The following DACH2 variants were observed in gnomAD, a reference collection of about 807,000 sequenced individuals.
The protein encoded by DACH2 is dachshund homolog 2.
DACH2 carries 17 observed loss-of-function variants against 35.8 expected under a neutral mutation model. The observed-to-expected ratio is 0.48, with a 90% CI of 0.33 to 0.71. The LOEUF is 0.71. Ranked by LOEUF, DACH2 falls within the 30% of genes least tolerant of loss-of-function variation. The pLI, the probability that DACH2 is intolerant of heterozygous loss-of-function variation, is 0.02. For missense variants in DACH2, 469 were observed against 472.7 expected, an observed-to-expected ratio of 0.99 and a Z score of 0.07; for synonymous variants, 195 against 177.3, an observed-to-expected ratio of 1.10 and a Z score of -0.79.
At chrX:86,435,721 C>T (rs1283788429) in intron 2 of DACH2, among the ~76,000 whole-genome samples, 1 of 111,623 alleles carries the variant, frequency 9.0e-6, no homozygotes, top group African/African-American at 3.3e-5. Context: ...ACGTAAATGA[C>T]CCTGCATTTA....
intron 6 of DACH2, among the ~76,000 whole-genome samples, chrX:86,723,710 G>A (rs944884968): frequency 8.9e-6 from 1 of 111,823 alleles, no homozygotes; most frequent in Non-Finnish European, 1.9e-5. Context: ...CTGTGGCCAA[G>A]TATGTGGTCT....
At chrX:86,492,993 G>T (rs1439337626) in intron 2 of DACH2, among the ~76,000 whole-genome samples, 1 of 111,365 alleles carries the variant, frequency 9.0e-6, no homozygotes, top group African/African-American at 3.3e-5. Context: ...TGGGTCAAAT[G>T]GTAGTTCTGT....
chrX:86,541,919 G>A (rs1165855235), intron 3 of DACH2, among the ~76,000 whole-genome samples: 1 of 111,474 alleles, frequency 9.0e-6, no homozygotes, highest in Admixed American at 9.5e-5. Context: ...ACCCCTGAGT[G>A]GTTAAAAAAG....
At chrX:86,465,424 G>C (rs1199992694) in intron 2 of DACH2, among the ~76,000 whole-genome samples, 2 of 111,814 alleles carry the variant, frequency 1.8e-5, no homozygotes, top group Non-Finnish European at 3.8e-5. Context: ...CCTAAGTAGT[G>C]GAGCTCACAT....
At chrX:86,347,850 T>A (rs1275489314) in intron 1 of DACH2, among the ~76,000 whole-genome samples, 1 of 112,240 alleles carries the variant, frequency 8.9e-6, no homozygotes, top group Non-Finnish European at 1.9e-5. Context: ...TAGTATTTCA[T>A]GCTTTTTTCT....
intron 2 of DACH2, among the ~76,000 whole-genome samples, chrX:86,387,819 C>T (rs1367227303): frequency 1.8e-5 from 2 of 111,878 alleles, no homozygotes; most frequent in African/African-American, 6.5e-5. Context: ...CTATTTCTCA[C>T]CAAGTATCGT....
At chrX:86,734,664 T>C (rs892270297) in intron 6 of DACH2, among the ~76,000 whole-genome samples, 4 of 111,603 alleles carry the variant, frequency 3.6e-5, no homozygotes, top group African/African-American at 1.3e-4. Flanking sequence ...AATGCTTGAA[T>C]TGGTTCATAA....
chrX:86,782,000 G>A (rs1177766329), intron 7 of DACH2, among the ~76,000 whole-genome samples: 4 of 111,993 alleles, frequency 3.6e-5, no homozygotes, highest in Non-Finnish European at 7.5e-5. Context: ...AGTATACAAA[G>A]TAAACAAACA....
intron 6 of DACH2, among the ~76,000 whole-genome samples, chrX:86,719,405 C>T (rs954012338): frequency 8.9e-6 from 1 of 112,208 alleles, no homozygotes; most frequent in Non-Finnish European, 1.9e-5. Context: ...CATCAGTGAA[C>T]TGGGAAAATT....
intron 3 of DACH2, among the ~76,000 whole-genome samples, chrX:86,596,509 T>A (rs1188173984): frequency 2.7e-5 from 3 of 111,923 alleles, no homozygotes; most frequent in Admixed American, 1.9e-4. Context: ...CATTTGTACA[T>A]GTTCTTTGGA....
chrX:86,533,715 G>A (rs1447518599), intron 3 of DACH2, among the ~76,000 whole-genome samples: 2 of 111,963 alleles, frequency 1.8e-5, no homozygotes, highest in African/African-American at 6.5e-5. Context: ...TTTATTAGGA[G>A]TACCAAGTTC....
chrX:86,254,777 A>ATATATATAT (rs1556004208), intron 1 of DACH2, among the ~76,000 whole-genome samples: 3 of 14,224 alleles, frequency 2.1e-4, no homozygotes, highest in Non-Finnish European at 2.7e-4. Flanking sequence ...TATTCAAATA[A>ATATATATAT]ATAAATATAT....
rs1229406457 is a variant in DACH2 at position 86,275,942 on chromosome X, T to G, written c.489-100882T>G. On this transcript the variant is annotated intron_variant, in intron 1 of 11. Transcript: ENST00000373125. ...ATTATGTATATGTACCACATTTTCT[T>G]TATTCATTCATCTCTTGATAGACAC... Among the ~76,000 whole-genome samples the G allele has an allele frequency of 2.7e-5, 3 of 112,433 alleles. No homozygotes were observed. In the East Asian group the frequency reaches 8.4e-4, roughly 31 times the overall value.
chrX:86,412,937 A>T (rs1451648576), intron 2 of DACH2, among the ~76,000 whole-genome samples: 1 of 111,131 alleles, frequency 9.0e-6, no homozygotes, highest in East Asian at 2.9e-4. Flanking sequence ...AATATACCCA[A>T]ATGAGAAATG....
chrX:86,231,751 A>G (rs1407608812), intron 1 of DACH2, among the ~76,000 whole-genome samples: 1 of 112,263 alleles, frequency 8.9e-6, no homozygotes, highest in Non-Finnish European at 1.9e-5. Flanking sequence ...AGTTCTGACC[A>G]AGAGGCTTTT....
chrX:86,434,350 C>T (rs1014517617), intron 2 of DACH2, among the ~76,000 whole-genome samples: 24 of 111,440 alleles, frequency 2.2e-4, no homozygotes, highest in African/African-American at 6.8e-4. Context: ...TTATACTTAT[C>T]GCTACATTTT....
At chrX:86,818,169 G>A (rs1015797971) in intron 11 of DACH2, among the ~76,000 whole-genome samples, 3 of 111,253 alleles carry the variant, frequency 2.7e-5, no homozygotes, top group Non-Finnish European at 5.7e-5. Flanking sequence ...ACACATTATC[G>A]CTTCTCTTTG....
intron 1 of DACH2, chrX:86,262,883 C>T: frequency 1.1e-5 from 4 of 380,574 alleles, no homozygotes; most frequent in Non-Finnish European, 1.3e-5. Flanking sequence ...TCAGAAATAT[C>T]AATATGTCAC....
intron 4 of DACH2, among the ~76,000 whole-genome samples, chrX:86,682,868 T>G (rs2040897561): frequency 9.0e-6 from 1 of 111,589 alleles, no homozygotes; most frequent in Non-Finnish European, 1.9e-5. Context: ...TTCCTTATCC[T>G]TTTTTTCCAT....
Sources: allele counts gnomAD v4.1 joint callset (sites outside exome capture counted in the v4.1 genomes callset), GRCh38; gene constraint gnomAD v4.1.1; transcripts MANE v1.5; gene names NCBI Gene and HGNC (gene_info 2026-07-23, HGNC 2026-07-21).